The following PCDHGA1 variants were observed in gnomAD, a reference collection of about 807,000 sequenced individuals.
PCDHGA1 encodes the protein protocadherin gamma-A1.
Under a neutral mutation model 58.0 loss-of-function variants are expected in PCDHGA1, and 32 were observed. The observed-to-expected ratio is 0.55, with a 90% CI of 0.42 to 0.74. PCDHGA1 has a LOEUF of 0.74. Ranked by LOEUF, PCDHGA1 falls within the 30% of genes least tolerant of loss-of-function variation. The pLI, the probability that PCDHGA1 is intolerant of heterozygous loss-of-function variation, is 0.00. For synonymous variants in PCDHGA1, 498 were observed against 501.1 expected, an observed-to-expected ratio of 0.99 and a Z score of 0.08; for missense variants, 1,205 against 1,182.3, an observed-to-expected ratio of 1.02 and a Z score of -0.28.
At chr5:141,419,570 G>A (rs751047365) in intron 1 of PCDHGA1, 3 of 1,611,764 alleles carry the variant, frequency 1.9e-6, no homozygotes, top group Non-Finnish European at 2.5e-6. Flanking sequence ...GGGTCCCGAC[G>A]GCTCCGCGCT....
At chr5:141,473,212 C>G (rs1311953997) in intron 1 of PCDHGA1, among the ~76,000 whole-genome samples, 1 of 152,012 alleles carries the variant, frequency 6.6e-6, no homozygotes, top group Non-Finnish European at 1.5e-5. Flanking sequence ...AAAATGCTTA[C>G]TTCCAGGGAG....
intron 1 of PCDHGA1, chr5:141,375,120 A>G (rs2150053387): frequency 6.2e-7 from 1 of 1,613,952 alleles, no homozygotes; most frequent in South Asian, 1.1e-5. Flanking sequence ...AATGTACCAG[A>G]AGTGGTTGTT....
At chr5:141,356,428 C>T in intron 1 of PCDHGA1, 1 of 1,608,476 alleles carries the variant, frequency 6.2e-7, no homozygotes, top group Non-Finnish European at 8.5e-7. Context: ...ACACAGAACA[C>T]TGGACAGGGA....
intron 1 of PCDHGA1, chr5:141,385,170 C>A (rs1561606866): frequency 4.3e-6 from 7 of 1,614,212 alleles, no homozygotes; most frequent in Non-Finnish European, 5.9e-6. Flanking sequence ...CCCATGAGGT[C>A]TCCCTCACCG....
At chr5:141,503,736 T>C (rs1381045077) in intron 2 of PCDHGA1, among the ~76,000 whole-genome samples, 4 of 152,202 alleles carry the variant, frequency 2.6e-5, no homozygotes, top group African/African-American at 9.6e-5. Context: ...TTTGTTGTGA[T>C]GGTATAGAGG....
intron 1 of PCDHGA1, chr5:141,398,258 G>T (rs756489359): frequency 2.1e-6 from 3 of 1,454,654 alleles, no homozygotes; most frequent in Non-Finnish European, 2.8e-6. Context: ...ATGCCCAAGG[G>T]CTCCGTAGTG....
chr5:141,397,199 T>G (rs1317536621), intron 1 of PCDHGA1, among the ~76,000 whole-genome samples: 1 of 152,156 alleles, frequency 6.6e-6, no homozygotes, highest in African/African-American at 2.4e-5. Context: ...GTAAAAGATA[T>G]GACATAAGAG....
chr5:141,420,176 C>CA (rs1162032152), intron 1 of PCDHGA1: 5 of 1,613,874 alleles, frequency 3.1e-6, no homozygotes, highest in Non-Finnish European at 4.2e-6. Flanking sequence ...ATCTGTTGAT[C>CA]ATTGTCCAGC....
Position 141,375,794 on chromosome 5 carries a change from G to C in PCDHGA1, c.2421+42689G>C, listed in dbSNP as rs754100940. On this transcript the variant is annotated intron_variant, in intron 1 of 3. Transcript: ENST00000517417. Reference sequence around the variant, plus strand: ...CCTGTACCCCGCCCTCCCCACAGACGGTTCCACTGGCGTGGAGCTGGCGCC... The same window carrying C: ...CCTGTACCCCGCCCTCCCCACAGACCGTTCCACTGGCGTGGAGCTGGCGCC... 33 of 1,614,052 alleles carry C rather than the reference G, an allele frequency of 2.0e-5. No individual in the cohort carries two copies. Among genetic ancestry groups the C allele is most frequent in the Non-Finnish European group, 2.4e-5 (28 of 1,180,026 alleles).
intron 1 of PCDHGA1, chr5:141,405,384 CA>C: frequency 1.9e-6 from 3 of 1,600,664 alleles, no homozygotes; most frequent in Non-Finnish European, 2.6e-6. Context: ...CCGGTGAGTT[CA>C]TTTTTTTTCT....
In PCDHGA1 at chr5:141,409,757, G is replaced by T. The variant is rs376391018; in HGVS notation, c.2421+76652G>T. On this transcript the variant is annotated intron_variant, in intron 1 of 3. Coordinates refer to ENST00000517417, the MANE Select transcript of PCDHGA1 (RefSeq NM_018912.3). ...GAGCGGGGTGGTGTTCGCGCAGCGC[G>T]CCTTTGATCACGAGCAGCTGCGCGC... is the stretch of plus-strand genomic sequence containing the variant. 5 of 1,612,868 alleles carry T rather than the reference G, an allele frequency of 3.1e-6. No homozygotes were observed. In the East Asian group the frequency reaches 6.7e-5, roughly 22 times the overall value.
Position 141,384,336 on chromosome 5 carries a change from C to T in PCDHGA1, c.2421+51231C>T, listed in dbSNP as rs1779973302. On this transcript the variant is annotated intron_variant, in intron 1 of 3. Transcript: ENST00000517417. ...TTTTCTTAGTGACTGCACAGGACCA[C>T]GACAGTGAGGATAATGCCCAGATCA... 9 of 1,613,748 alleles carry T rather than the reference C, an allele frequency of 5.6e-6. No homozygotes were observed. The East Asian group carries it at 1.1e-4, about 20-fold the overall frequency.
At chr5:141,362,768 A>G (rs916897514) in intron 1 of PCDHGA1, 6 of 614,256 alleles carry the variant, frequency 9.8e-6, no homozygotes, top group Middle Eastern at 4.4e-4. Context: ...CACATGAGAT[A>G]TTGCACTGTA....
chr5:141,356,470 G>A lies in PCDHGA1; in HGVS notation c.2421+23365G>A, dbSNP rs1200759848. 7.4e-6 allele frequency: 12 copies of A among 1,613,636 alleles called. No individual in the cohort carries two copies. In the Middle Eastern group the frequency reaches 4.9e-4, roughly 66 times the overall value. On this transcript the variant is annotated intron_variant, in intron 1 of 3. Transcript: ENST00000517417. Reference sequence around the variant, plus strand: ...CTCAGAATATAACATCACTGTAACTGCCACTGACCAGGGAACTCCTCCACT... The same window carrying A: ...CTCAGAATATAACATCACTGTAACTACCACTGACCAGGGAACTCCTCCACT...
Position 141,486,362 on chromosome 5 carries a change from C to A in PCDHGA1, c.2422-8445C>A. On this transcript the variant is annotated intron_variant, in intron 1 of 3. Coordinates refer to ENST00000517417, the MANE Select transcript of PCDHGA1 (RefSeq NM_018912.3). The surrounding 1 kb of genome is among the most constrained non-coding windows in gnomAD (Gnocchi z 5.0). ...CATTCCTGACCACTTGCCATTTGCC[C>A]TCAAGTCTGCCTTCAGGAACCAGTT... The A allele has an allele frequency of 6.2e-7, 1 of 1,614,132 alleles. No individual in the cohort carries two copies. The highest frequency in any genetic ancestry group is 1.7e-5 in the Admixed American group (1 of 60,024).
chr5:141,346,061 C>G (rs2149739460), intron 1 of PCDHGA1: 1 of 1,613,600 alleles, frequency 6.2e-7, no homozygotes, highest in Non-Finnish European at 8.5e-7. Context: ...CCGACCTGGG[C>G]AGCCTCGAGC....
intron 1 of PCDHGA1, among the ~76,000 whole-genome samples, chr5:141,445,263 C>T (rs1170484721): frequency 1.3e-5 from 2 of 152,152 alleles, no homozygotes; most frequent in African/African-American, 2.4e-5. Context: ...GAATATAAGT[C>T]GAAACCACTC....
intron 1 of PCDHGA1, chr5:141,350,828 G>A (rs766864652): frequency 1.2e-6 from 2 of 1,614,010 alleles, no homozygotes; most frequent in Admixed American, 3.3e-5. Flanking sequence ...TAAATATCCG[G>A]TATTACTGCT....
At chr5:141,464,120 C>G (rs1297254980) in intron 1 of PCDHGA1, among the ~76,000 whole-genome samples, 1 of 151,976 alleles carries the variant, frequency 6.6e-6, no homozygotes, top group African/African-American at 2.4e-5. Flanking sequence ...CAAAAATTAG[C>G]TGGGTGTGGT....
Sources: allele counts gnomAD v4.1 joint callset (sites outside exome capture counted in the v4.1 genomes callset), GRCh38; gene constraint gnomAD v4.1.1; non-coding constraint Gnocchi (gnomAD v3.1); transcripts MANE v1.5; gene names NCBI Gene and HGNC (gene_info 2026-07-23, HGNC 2026-07-21).